The following DEDD variants were observed in gnomAD, a reference collection of about 807,000 sequenced individuals.
DEDD encodes the protein death effector domain-containing protein.
DEDD carries 3 observed loss-of-function variants against 29.2 expected under a neutral mutation model. That is an observed-to-expected ratio of 0.10 (90% CI 0.05 to 0.27). The LOEUF (loss-of-function observed/expected upper bound fraction) is 0.27, where lower values mean the gene tolerates loss of function less well. DEDD is among the 10% of genes least tolerant of loss of function. DEDD has a pLI of 1.00. For missense variants in DEDD, 261 were observed against 420.5 expected (o/e 0.62, Z 3.32); for synonymous variants, 152 against 161.3 (o/e 0.94, Z 0.44).
chr1:161,124,559 T>TC, intron 2 of DEDD, 33 bp from the exon 3 acceptor site: 2 of 1,508,946 alleles, frequency 1.3e-6, no homozygotes, highest in Non-Finnish European at 1.8e-6. Flanking sequence ...GATGAGACAC[T>TC]CAAGGGCAGG....
chr1:161,129,621 C>T (rs1381015828), intron 2 of DEDD, among the ~76,000 whole-genome samples: 11 of 150,440 alleles, frequency 7.3e-5, no homozygotes, highest in Non-Finnish European at 1.6e-4. Flanking sequence ...TCCTCTAAAA[C>T]CAAAATATAC....
chr1:161,126,852 A>G (rs565751462), intron 2 of DEDD, among the ~76,000 whole-genome samples: 4 of 150,424 alleles, frequency 2.7e-5, no homozygotes, highest in Non-Finnish European at 5.9e-5. Flanking sequence ...CCCCATCATC[A>G]CTCTTTTTCA....
intron 2 of DEDD, chr1:161,124,865 G>A (rs1045913860): frequency 3.1e-5 from 5 of 163,684 alleles, no homozygotes; most frequent in Admixed American, 2.4e-4. Flanking sequence ...GGAGGCTGAG[G>A]TGGGAGGAAG....
Position 161,122,632 on chromosome 1 carries a change from A to C in DEDD, c.581-109T>G. On this transcript the variant is annotated intron_variant, in intron 5 of 5. Coordinates refer to ENST00000368006, the MANE Select transcript of DEDD (RefSeq NM_032998.3). This position sits in a 1 kb window ranked among gnomAD's most constrained non-coding sequence, Gnocchi z 4.2. Reference sequence around the variant, plus strand: ...ACAGAATAAAAAAGTAGGGAATATCACCTGACAGCTTCTCTACCTCTTCCC... The same window carrying C: ...ACAGAATAAAAAAGTAGGGAATATCCCCTGACAGCTTCTCTACCTCTTCCC... 7.4e-7 allele frequency: 1 copy of C among 1,352,586 alleles called. No individual in the cohort carries two copies. Among genetic ancestry groups the C allele is most frequent in the Non-Finnish European group, 1.0e-6 (1 of 996,080 alleles). The allele number at this position is 1,352,586 out of a possible 1,614,324, so 83.8% of individuals were successfully genotyped here.
chr1:161,122,156 T>C lies in DEDD; in HGVS notation c.948A>G (p.Ala316=), dbSNP rs1135787. 1.9e-6 allele frequency: 3 copies of C among 1,612,912 alleles called. No homozygotes were observed. The African/African-American group carries it at 4.0e-5, about 22-fold the overall frequency. ...QKLLRNLMLQ[A]LP ...GAGAAGAGGGAATAGGTCAGGGCAA[T>C]GCTTGCAGCATCAAGTTCCTCAGGA... The change falls in exon 6 of 6, where the codon GCA becomes GCG. Residue 316 remains alanine, a synonymous_variant. Coordinates refer to ENST00000368006, the MANE Select transcript of DEDD (RefSeq NM_032998.3). This position sits in a 1 kb window ranked among gnomAD's most constrained non-coding sequence, Gnocchi z 4.2.
chr1:161,128,839 T>G (rs1018154814), intron 2 of DEDD, among the ~76,000 whole-genome samples: 75 of 152,056 alleles, frequency 4.9e-4, no homozygotes, highest in Non-Finnish European at 8.1e-4. Context: ...GACATACATG[T>G]TCATTTAACT....
intron 2 of DEDD, among the ~76,000 whole-genome samples, chr1:161,128,522 G>A (rs1482242972): frequency 6.6e-6 from 1 of 152,054 alleles, no homozygotes; most frequent in African/African-American, 2.4e-5. Context: ...AATCGCTTGA[G>A]CCTGGGAGGT....
chr1:161,120,989 ATT>A lies in DEDD; in HGVS notation c.*1156_*1157del. 7 of 1,403,174 alleles carry A rather than the reference ATT, an allele frequency of 5.0e-6. No homozygotes were observed. The South Asian group carries it at 1.1e-4, about 22-fold the overall frequency. The allele number at this position is 1,403,174 out of a possible 1,614,324, so 86.9% of individuals were successfully genotyped here. A position where few individuals can be genotyped will look rare whatever the true frequency, so the allele number is the denominator to read the frequency against. ...CAGAAAGGTGGAATTTTATATAGTC[ATT>A]GTTTATTTCATGGAAACTGAAGTTC... On this transcript the variant is annotated 3_prime_UTR_variant, in exon 6 of 6. Transcript: ENST00000368006.
At chr1:161,125,318 A>C (rs1656045809) in intron 2 of DEDD, 1 of 152,210 alleles carries the variant, frequency 6.6e-6, no homozygotes, top group African/African-American at 2.4e-5. Flanking sequence ...TGGCCTTTGC[A>C]GCCCAGAATC....
At chr1:161,128,895 G>T (rs1239487042) in intron 2 of DEDD, among the ~76,000 whole-genome samples, 5 of 152,076 alleles carry the variant, frequency 3.3e-5, no homozygotes, top group Admixed American at 2.6e-4. Context: ...TCCAACCTTG[G>T]GTCCTCTGTC....
intron 2 of DEDD, among the ~76,000 whole-genome samples, chr1:161,127,725 C>T (rs1656311743): frequency 6.6e-6 from 1 of 152,184 alleles, no homozygotes; most frequent in African/African-American, 2.4e-5. Context: ...AATGAAGGTG[C>T]TAAAGGAAAA....
At chr1:161,132,525 C>CCACTCCGGCCGCCCCTCCGCCT (rs1656785364) in intron 1 of DEDD, 26 bp downstream of exon 1, 1 of 154,390 alleles carries the variant, frequency 6.5e-6, no homozygotes, top group African/African-American at 2.4e-5. Context: ...CTCCCTCTCC[C>CCACTCCGGCCGCCCCTCCGCCT]CACTCCGGCC....
chr1:161,129,392 C>T (rs919429761), intron 2 of DEDD, among the ~76,000 whole-genome samples: 8 of 151,958 alleles, frequency 5.3e-5, no homozygotes, highest in Non-Finnish European at 8.8e-5. Flanking sequence ...CCCAGGAGTT[C>T]GAGACCAGCC....
chr1:161,125,119 AC>A (rs1656026716), intron 2 of DEDD: 1 of 152,198 alleles, frequency 6.6e-6, no homozygotes, highest in African/African-American at 2.4e-5. Flanking sequence ...TTAAATTCTG[AC>A]TGTATCACTG....
In DEDD at chr1:161,121,972, G is replaced by C. The variant is rs1460679926; in HGVS notation, c.*175C>G. On this transcript the variant is annotated 3_prime_UTR_variant, in exon 6 of 6. Transcript: ENST00000368006. ...AATAAAGGGGAAGCCCAGGCACATG[G>C]GTGCAGGGAGGGGTGGGGAATACCA... 1.3e-6 allele frequency: 1 copy of C among 775,962 alleles called. No individual in the cohort carries two copies. Among genetic ancestry groups the C allele is most frequent in the Non-Finnish European group, 2.0e-6 (1 of 495,754 alleles). 48.1% of individuals were successfully genotyped at this position (775,962 alleles called of 1,614,324 possible). A position where few individuals can be genotyped will look rare whatever the true frequency, so the allele number is the denominator to read the frequency against.
intron 2 of DEDD, among the ~76,000 whole-genome samples, chr1:161,127,329 T>C (rs1344557994): frequency 2.0e-5 from 3 of 152,230 alleles, no homozygotes; most frequent in Non-Finnish European, 4.4e-5. Flanking sequence ...CACTCTACCC[T>C]ACTCAACAAT....
Position 161,124,436 on chromosome 1 carries a change from G to A in DEDD, c.27C>T (p.Ser9=). 6.2e-7 allele frequency: 1 copy of A among 1,605,008 alleles called. No homozygotes were observed. Among genetic ancestry groups the A allele is most frequent in the Non-Finnish European group, 8.5e-7 (1 of 1,172,724 alleles). Residue 9 remains serine, a synonymous_variant, in exon 3 of 6, where the codon AGC becomes AGT. Transcript: ENST00000368006. The part of the protein sequence containing the change: MAGLKRRA[S]QVWPEEHGEQ... ...CACCATGCTCTTCTGGCCACACCTG[G>A]CTTGCCCGCCGCTTTAGGCCCGCCA...
intron 2 of DEDD, among the ~76,000 whole-genome samples, chr1:161,130,080 T>C (rs1451308441): frequency 2.6e-5 from 4 of 152,220 alleles, no homozygotes; most frequent in African/African-American, 4.8e-5. Flanking sequence ...TTTGAGGTAC[T>C]TGGCTCTCTC....
In DEDD at chr1:161,123,901, C is replaced by T. The variant is rs1194091304; in HGVS notation, c.371G>A (p.Arg124His). Residue 124 changes from arginine to histidine, a missense_variant, in exon 4 of 6, where the codon CGC becomes CAC. Around this residue, in one of 2 missense-constraint regions of DEDD, gnomAD observed 203 missense variants for 268.7 expected, o/e 0.76. Coordinates refer to ENST00000368006, the MANE Select transcript of DEDD (RefSeq NM_032998.3). ...VDKYLEETSI[R>H]YVTPRALSDP... is the part of the protein sequence containing the mutation. ...ACTGAGGGCTCTGGGGGTCACATAG[C>T]GAATTGATGTCTCCTCCAGATACTT... 6.8e-6 allele frequency: 11 copies of T among 1,613,836 alleles called. No individual in the cohort carries two copies. Among genetic ancestry groups the T allele is most frequent in the Middle Eastern group, 1.6e-4 (1 of 6,080 alleles).
Sources: allele counts gnomAD v4.1 joint callset (sites outside exome capture counted in the v4.1 genomes callset), GRCh38; gene constraint gnomAD v4.1.1; regional missense constraint gnomAD v4.1.1; non-coding constraint Gnocchi (gnomAD v3.1); transcripts MANE v1.5; gene names NCBI Gene and HGNC (gene_info 2026-07-23, HGNC 2026-07-21).